Variants in PDE1C observed in about 807,000 individuals in gnomAD.
PDE1C encodes the protein dual specificity calcium/calmodulin-dependent 3',5'-cyclic nucleotide phosphodiesterase 1C.
A neutral mutation model predicts 93.1 loss-of-function variants in PDE1C; 62 were observed. The ratio of observed to expected loss-of-function variants is 0.67; its 90% CI spans 0.54 to 0.82. The LOEUF is 0.82. Among genes scored for constraint, PDE1C ranks in the 40% least tolerant of loss-of-function variants. PDE1C has a pLI of 0.00. For synonymous variants in PDE1C, 325 were observed against 310.1 expected (o/e 1.05, Z -0.50); for missense variants, 742 against 884.6 (o/e 0.84, Z 2.04).
At chr7:32,109,856 T>C (rs1322854959) in intron 3 of PDE1C, among the ~76,000 whole-genome samples, 1 of 152,138 alleles carries the variant, frequency 6.6e-6, no homozygotes, top group African/African-American at 2.4e-5. Flanking sequence ...ATAGGTTTTC[T>C]GAGAAGCTAT....
At chr7:32,071,266 G>A (rs1563284887), upstream of PDE1C, 1 of 985,444 alleles carries the variant, frequency 1.0e-6, no homozygotes. Flanking sequence ...ATCCTCCCGG[G>A]GCCAGGGCAC....
At chr7:31,658,260 T>G in the PDE1C span, 1 of 1,492,644 alleles carries the variant, frequency 6.7e-7, no homozygotes, top group Non-Finnish European at 8.8e-7. Context: ...TTAACACATA[T>G]TCTCTTATAG....
chr7:31,920,031 C>G (rs1452639895), intron 2 of PDE1C, among the ~76,000 whole-genome samples: 2 of 152,184 alleles, frequency 1.3e-5, no homozygotes, highest in Non-Finnish European at 2.9e-5. Context: ...TTCCTCTTTC[C>G]TTTTCTACCC....
chr7:31,707,181 C>T, the PDE1C span: 1 of 1,604,320 alleles, frequency 6.2e-7, no homozygotes, highest in African/African-American at 1.3e-5. Flanking sequence ...TACTTAATTG[C>T]AGGTCTGTGC....
intron 1 of PDE1C, among the ~76,000 whole-genome samples, chr7:32,231,095 T>C (rs1052394122): frequency 6.6e-6 from 1 of 152,194 alleles, no homozygotes; most frequent in African/African-American, 2.4e-5. Flanking sequence ...TTTAGTCCCA[T>C]TTTGCAAGTG....
chr7:32,205,601 A>ACCC (rs566467632), intron 2 of PDE1C, among the ~76,000 whole-genome samples: 1 of 68,488 alleles, frequency 1.5e-5, no homozygotes, highest in African/African-American at 3.7e-5. Context: ...AAAGCAGGCC[A>ACCC]ACCCCCCAGC....
intron 2 of PDE1C, among the ~76,000 whole-genome samples, chr7:32,177,554 C>T (rs747136633): frequency 6.6e-6 from 1 of 152,152 alleles, no homozygotes; most frequent in Non-Finnish European, 1.5e-5. Flanking sequence ...GCACCCCCAA[C>T]CACCGCCCTT....
At chr7:31,857,824 A>G (rs138287518) in intron 7 of PDE1C, among the ~76,000 whole-genome samples, 5 of 152,354 alleles carry the variant, frequency 3.3e-5, no homozygotes, top group African/African-American at 7.2e-5. Context: ...GTTTTTAAAA[A>G]GACTTTTAAA....
chr7:31,683,490 T>A, the PDE1C span, among the ~76,000 whole-genome samples: 550 of 152,296 alleles, frequency 3.6e-3, 4 homozygotes, highest in African/African-American at 0.012. Context: ...AGTTCCCTAT[T>A]ATCAGGACCT....
At chr7:31,915,577 C>G (rs1334253618) in intron 2 of PDE1C, among the ~76,000 whole-genome samples, 1 of 152,104 alleles carries the variant, frequency 6.6e-6, no homozygotes, top group Non-Finnish European at 1.5e-5. Context: ...GAATTTTTAT[C>G]TGGGTTTAGT....
intron 2 of PDE1C, among the ~76,000 whole-genome samples, chr7:31,928,005 C>A (rs1803631138): frequency 6.6e-6 from 1 of 152,016 alleles, no homozygotes; most frequent in South Asian, 2.1e-4. Flanking sequence ...GCTAAAGGAG[C>A]ATGTTCTAAC....
rs527561250 is a variant in PDE1C at position 31,793,130 on chromosome 7, T to C, written c.1891+15901A>G. On this transcript the variant is annotated intron_variant, in intron 16 of 17. Transcript: ENST00000396191. ...CGGACTTAAAACAATGTGGCCTTAT[T>C]TATGGTACCATGCTGCTCCCAAAGG... Among the ~76,000 whole-genome samples, 6 of 152,174 alleles carry C rather than the reference T, an allele frequency of 3.9e-5. No homozygotes were observed. The East Asian group carries it at 9.7e-4, about 25-fold the overall frequency.
At chr7:31,906,737 C>A (rs1800639212) in intron 2 of PDE1C, among the ~76,000 whole-genome samples, 1 of 152,156 alleles carries the variant, frequency 6.6e-6, no homozygotes, top group Non-Finnish European at 1.5e-5. Flanking sequence ...GCCTTCCATT[C>A]CAAAGCCTGG....
intron 3 of PDE1C, among the ~76,000 whole-genome samples, chr7:32,141,352 GA>G (rs1800514964): frequency 6.6e-6 from 1 of 152,078 alleles, no homozygotes; most frequent in African/African-American, 2.4e-5. Flanking sequence ...TCTAAAAAAA[GA>G]AAAAAGAGCA....
chr7:32,271,934 G>T (rs1810994802), intron 1 of PDE1C, among the ~76,000 whole-genome samples: 1 of 152,134 alleles, frequency 6.6e-6, no homozygotes, highest in Admixed American at 6.5e-5. Flanking sequence ...GGAACTCCTG[G>T]GGTGTTGCAA....
At chr7:31,801,859 T>G (rs568649593) in intron 16 of PDE1C, among the ~76,000 whole-genome samples, 95 of 151,646 alleles carry the variant, frequency 6.3e-4, no homozygotes, top group Admixed American at 6.3e-3. Context: ...ACTTTTGTGC[T>G]GTTTGTGTCC....
intron 1 of PDE1C, among the ~76,000 whole-genome samples, chr7:32,255,017 A>G (rs772901567): frequency 1.3e-5 from 2 of 152,230 alleles, no homozygotes; most frequent in Admixed American, 1.3e-4. Flanking sequence ...AGCCAGCCTA[A>G]GTTAGATGAA....
the PDE1C span, among the ~76,000 whole-genome samples, chr7:31,657,278 G>A: frequency 1.3e-5 from 2 of 148,236 alleles, no homozygotes; most frequent in Admixed American, 6.8e-5. Context: ...TTAAATCAAT[G>A]GTTTGTCATG....
intron 1 of PDE1C, among the ~76,000 whole-genome samples, chr7:32,225,566 G>A (rs1323233779): frequency 1.3e-5 from 2 of 152,170 alleles, no homozygotes; most frequent in Non-Finnish European, 2.9e-5. Flanking sequence ...ATTGGAACAA[G>A]ACCCTGAGGA....
Sources: gnomAD v4.1 joint callset for allele counts (sites outside exome capture counted in the v4.1 genomes callset) on GRCh38, gnomAD v4.1.1 for gene constraint, MANE v1.5 for transcripts, NCBI Gene and HGNC (gene_info 2026-07-23, HGNC 2026-07-21) for gene names.